CNTNAP4: variants seen among roughly 807,000 people sequenced by gnomAD.
CNTNAP4 encodes contactin-associated protein-like 4.
A neutral mutation model predicts 148.4 loss-of-function variants in CNTNAP4; 98 were observed. That is an observed-to-expected ratio of 0.66 (90% confidence interval 0.56 to 0.78). The LOEUF is 0.78. CNTNAP4 is among the 30% of genes least tolerant of loss of function. The pLI, the probability that CNTNAP4 is intolerant of heterozygous loss-of-function variation, is 0.00. For synonymous variants in CNTNAP4, 730 were observed against 565.1 expected (o/e 1.29, Z -4.14); for missense variants, 1,935 against 1,565.6 (o/e 1.24, Z -3.98).
chr16:76,441,215 A>C (rs1693533874), intron 4 of CNTNAP4, among the ~76,000 whole-genome samples: 1 of 152,226 alleles, frequency 6.6e-6, no homozygotes, highest in Admixed American at 6.6e-5. Context: ...CTTTCAAAAA[A>C]ACAAAAAGTG....
intron 19 of CNTNAP4, among the ~76,000 whole-genome samples, 191 bp downstream of exon 19, chr16:76,538,531 C>T (rs1247898449): frequency 6.6e-6 from 1 of 151,770 alleles, no homozygotes; most frequent in African/African-American, 2.4e-5. Context: ...GATTAAGATG[C>T]CCTTATCTCT....
intron 1 of CNTNAP4, among the ~76,000 whole-genome samples, chr16:76,278,207 A>G (rs184990716): frequency 9.2e-5 from 14 of 152,252 alleles, no homozygotes; most frequent in Non-Finnish European, 1.8e-4. Context: ...AGCTGCCTGC[A>G]TCTTTAAAAT....
intron 2 of CNTNAP4, among the ~76,000 whole-genome samples, chr16:76,333,632 G>C (rs944037559): frequency 2.0e-5 from 3 of 151,968 alleles, no homozygotes; most frequent in Non-Finnish European, 4.4e-5. Context: ...CCTGTGAATG[G>C]ACTCTACATT....
chr16:76,321,956 A>T (rs1033922975), intron 2 of CNTNAP4, among the ~76,000 whole-genome samples: 1 of 152,070 alleles, frequency 6.6e-6, no homozygotes. Flanking sequence ...CACAACTGGT[A>T]TGAGTCTGAA....
At chr16:76,525,243 A>G (rs2083667973) in intron 17 of CNTNAP4, among the ~76,000 whole-genome samples, 1 of 152,046 alleles carries the variant, frequency 6.6e-6, no homozygotes, top group Non-Finnish European at 1.5e-5. Flanking sequence ...ACACATTATA[A>G]TTGAAAAGTT....
chr16:76,398,321 AG>A (rs1219888207), intron 3 of CNTNAP4, among the ~76,000 whole-genome samples: 2 of 151,952 alleles, frequency 1.3e-5, no homozygotes, highest in Non-Finnish European at 2.9e-5. Flanking sequence ...ACACACCCAA[AG>A]GCAATACTTT....
intron 3 of CNTNAP4, among the ~76,000 whole-genome samples, chr16:76,396,023 C>G (rs1213427686): frequency 1.3e-5 from 2 of 152,168 alleles, no homozygotes; most frequent in East Asian, 3.9e-4. Flanking sequence ...GCCACTGTGT[C>G]TAGCCTGGAT....
At chr16:76,403,912 C>T (rs1199832355) in intron 3 of CNTNAP4, among the ~76,000 whole-genome samples, 3 of 152,076 alleles carry the variant, frequency 2.0e-5, no homozygotes, top group African/African-American at 7.2e-5. Flanking sequence ...ATGGATGGAG[C>T]TGGAGGCCAT....
chr16:76,358,215 A>T (rs931514312), intron 3 of CNTNAP4, among the ~76,000 whole-genome samples: 1 of 152,168 alleles, frequency 6.6e-6, no homozygotes, highest in African/African-American at 2.4e-5. Context: ...ATGTGCCTAT[A>T]ATCCCAGCTA....
chr16:76,546,492 A>C (rs2084740513), intron 21 of CNTNAP4, among the ~76,000 whole-genome samples: 1 of 152,094 alleles, frequency 6.6e-6, no homozygotes, highest in South Asian at 2.1e-4. Context: ...TCATTATGAG[A>C]ATCTAATGCC....
intron 14 of CNTNAP4, among the ~76,000 whole-genome samples, chr16:76,496,085 T>TTGTGTGTGTG (rs5817999): frequency 0.5 from 70,551 of 139,956 alleles, 18,614 homozygotes; most frequent in East Asian, 0.66. Context: ...CAAGATTATG[T>TTGTGTGTGTG]TGTGTGTGTG....
At chr16:76,484,780 T>C (rs1354293666) in intron 12 of CNTNAP4, among the ~76,000 whole-genome samples, 2 of 152,228 alleles carry the variant, frequency 1.3e-5, no homozygotes, top group African/African-American at 4.8e-5. Context: ...GTTTCATTGC[T>C]TGCAGCCAAT....
chr16:76,382,158 A>C (rs1408240613), intron 3 of CNTNAP4, among the ~76,000 whole-genome samples: 2 of 151,728 alleles, frequency 1.3e-5, no homozygotes, highest in African/African-American at 4.8e-5. Context: ...CTTTTTTTTA[A>C]CATGCCTTGT....
intron 3 of CNTNAP4, among the ~76,000 whole-genome samples, chr16:76,416,447 G>T (rs887089968): frequency 1.3e-5 from 2 of 151,006 alleles, no homozygotes; most frequent in East Asian, 1.9e-4. Flanking sequence ...TGCGTATTTT[G>T]ATGTTATATT....
intron 3 of CNTNAP4, among the ~76,000 whole-genome samples, chr16:76,408,262 CTA>C (rs398119509): frequency 7.8e-6 from 1 of 128,260 alleles, no homozygotes; most frequent in Non-Finnish European, 1.9e-5. Context: ...GTGTCTGTAC[CTA>C]TGATAAGTAA....
At chr16:76,302,345 T>G (rs1960062053) in intron 1 of CNTNAP4, among the ~76,000 whole-genome samples, 2 of 152,104 alleles carry the variant, frequency 1.3e-5, no homozygotes, top group South Asian at 4.1e-4. Context: ...AGGCTTGGGA[T>G]TCTCTCCAAG....
At chr16:76,362,195 A>G (rs943016461) in intron 3 of CNTNAP4, among the ~76,000 whole-genome samples, 2 of 152,178 alleles carry the variant, frequency 1.3e-5, no homozygotes, top group African/African-American at 2.4e-5. Context: ...AAACTTTACC[A>G]TGGGAACAAA....
At chr16:76,312,315 C>T (rs902200988) in intron 1 of CNTNAP4, among the ~76,000 whole-genome samples, 17 of 152,076 alleles carry the variant, frequency 1.1e-4, no homozygotes, top group African/African-American at 3.4e-4. Context: ...AAGTGGGGAG[C>T]AGTAGGGTGA....
chr16:76,506,949 T>C (rs2082858403), intron 15 of CNTNAP4, among the ~76,000 whole-genome samples: 1 of 97,466 alleles, frequency 1.0e-5, no homozygotes, highest in African/African-American at 2.6e-5. Flanking sequence ...CTTCTGCCAT[T>C]TGGACAGAGT....
Sources: gnomAD v4.1 joint callset for allele counts (sites outside exome capture counted in the v4.1 genomes callset) on GRCh38, gnomAD v4.1.1 for gene constraint, MANE v1.5 for transcripts, NCBI Gene and HGNC (gene_info 2026-07-23, HGNC 2026-07-21) for gene names.